DLG2: variants seen among roughly 807,000 people sequenced by gnomAD.
DLG2 encodes the protein disks large homolog 2.
Under a neutral mutation model 132.5 loss-of-function variants are expected in DLG2, and 45 were observed. That is an observed-to-expected ratio of 0.34 (90% confidence interval 0.27 to 0.44). The LOEUF is 0.44. DLG2 is among the 20% of genes least tolerant of loss of function. The pLI is 1.00. For synonymous variants in DLG2, 424 were observed against 419.6 expected, an observed-to-expected ratio of 1.01 and a Z score of -0.13; for missense variants, 1,045 against 1,196.9, an observed-to-expected ratio of 0.87 and a Z score of 1.87.
chr11:83,497,878 C>T (rs951521114), intron 21 of DLG2, among the ~76,000 whole-genome samples: 2 of 151,400 alleles, frequency 1.3e-5, no homozygotes, highest in East Asian at 3.9e-4. Flanking sequence ...CCCAATTAAC[C>T]TTTACTCCCT....
intron 2 of DLG2, among the ~76,000 whole-genome samples, chr11:85,608,496 A>G (rs962209495): frequency 6.6e-6 from 1 of 152,198 alleles, no homozygotes; most frequent in South Asian, 2.1e-4. Context: ...AGGAGAATAC[A>G]TAACTATGCA....
intron 11 of DLG2, among the ~76,000 whole-genome samples, chr11:84,002,311 A>G (rs2094391334): frequency 6.6e-6 from 1 of 152,122 alleles, no homozygotes; most frequent in Non-Finnish European, 1.5e-5. Flanking sequence ...GGTCTGGAGG[A>G]TGGGGGCCCT....
intron 7 of DLG2, among the ~76,000 whole-genome samples, chr11:84,429,465 A>G (rs536199918): frequency 6.2e-4 from 95 of 152,290 alleles, no homozygotes; most frequent in African/African-American, 2.1e-3. Context: ...TATACTTAAT[A>G]CAGCTGAGAG....
At chr11:85,000,723 A>G (rs570270964) in intron 6 of DLG2, among the ~76,000 whole-genome samples, 3 of 152,226 alleles carry the variant, frequency 2.0e-5, no homozygotes, top group Non-Finnish European at 2.9e-5. Context: ...TACGTATTTC[A>G]TCATTAACCA....
intron 19 of DLG2, among the ~76,000 whole-genome samples, chr11:83,613,648 G>C (rs896930540): frequency 1.3e-5 from 2 of 152,138 alleles, no homozygotes; most frequent in African/African-American, 4.8e-5. Flanking sequence ...TTAGGAACTG[G>C]CCTTCTCATT....
At chr11:84,666,300 TCTC>T (rs1369256635) in intron 6 of DLG2, among the ~76,000 whole-genome samples, 1 of 152,120 alleles carries the variant, frequency 6.6e-6, no homozygotes, top group Non-Finnish European at 1.5e-5. Flanking sequence ...AAAAGAGAAT[TCTC>T]CTATCTAATA....
chr11:84,048,469 T>G (rs867550206), intron 11 of DLG2, among the ~76,000 whole-genome samples: 1 of 151,696 alleles, frequency 6.6e-6, no homozygotes, highest in Non-Finnish European at 1.5e-5. Context: ...CAAATCATTG[T>G]TCCAGCATGG....
At chr11:85,130,507 A>G (rs530341735) in intron 5 of DLG2, among the ~76,000 whole-genome samples, 40 of 152,328 alleles carry the variant, frequency 2.6e-4, no homozygotes, top group South Asian at 2.5e-3. Context: ...TTTTCCTGCC[A>G]CTAAAAACTT....
At chr11:83,727,932 A>G (rs1489708215) in intron 18 of DLG2, among the ~76,000 whole-genome samples, 1 of 152,230 alleles carries the variant, frequency 6.6e-6, no homozygotes, top group Non-Finnish European at 1.5e-5. Context: ...AAGTCATACT[A>G]TAGATTGGAG....
intron 3 of DLG2, among the ~76,000 whole-genome samples, chr11:85,409,207 T>C (rs2089080454): frequency 6.6e-6 from 1 of 151,810 alleles, no homozygotes; most frequent in Non-Finnish European, 1.5e-5. Flanking sequence ...ATGAGACAAA[T>C]AGGGTACAGA....
chr11:84,182,837 A>G (rs2154281447), intron 8 of DLG2, among the ~76,000 whole-genome samples: 1 of 152,054 alleles, frequency 6.6e-6, no homozygotes, highest in East Asian at 1.9e-4. Context: ...AGTAAAATTG[A>G]TAAGCCTCTA....
At position 84,387,821 on chromosome 11, in the gene DLG2, C is replaced by T. The variant is rs534087985; in HGVS notation, c.520-136530G>A. ...GATTACCTGAAAGTAAATAAAGCTA[C>T]AAAAACAGTTCTTCAGATTTTTCTA... On this transcript the variant is annotated intron_variant, in intron 7 of 27. Transcript: ENST00000376104. Among the ~76,000 whole-genome samples the T allele has an allele frequency of 1.6e-4, 25 of 152,212 alleles. No individual in the cohort carries two copies. The South Asian group carries it at 3.5e-3, about 21-fold the overall frequency.
At chr11:84,895,157 G>C (rs2090015314) in intron 6 of DLG2, among the ~76,000 whole-genome samples, 1 of 152,132 alleles carries the variant, frequency 6.6e-6, no homozygotes, top group African/African-American at 2.4e-5. Context: ...TCATTTTAGA[G>C]AGGGTGTAAA....
chr11:84,317,241 T>A, intron 7 of DLG2: 1 of 1,511,718 alleles, frequency 6.6e-7, no homozygotes, highest in Non-Finnish European at 8.8e-7. Flanking sequence ...AAAGTCTTTT[T>A]TCCACCGTGG....
intron 18 of DLG2, chr11:83,721,087 G>T (rs1463722202): frequency 6.6e-6 from 1 of 152,066 alleles, no homozygotes; most frequent in Non-Finnish European, 1.5e-5. Context: ...TTGTTCAAAG[G>T]GAGATTTTTA....
Position 85,008,708 on chromosome 11 carries a change from C to T in DLG2, c.357+102953G>A, listed in dbSNP as rs556434170. 2.0e-5 allele frequency among the ~76,000 whole-genome samples: 3 copies of T among 152,014 alleles called. No individual in the cohort carries two copies. The South Asian group carries it at 6.2e-4, about 32-fold the overall frequency. On this transcript the variant is annotated intron_variant, in intron 6 of 27. Coordinates refer to ENST00000376104, the MANE Select transcript of DLG2 (RefSeq NM_001142699.3). ...ATATTTATTAAGTCTTACTATATGC[C>T]AGCACTTTTCAAAGTCTTGTAGACA...
intron 3 of DLG2, among the ~76,000 whole-genome samples, chr11:85,592,118 A>G (rs1480901051): frequency 6.6e-6 from 1 of 152,152 alleles, no homozygotes; most frequent in African/African-American, 2.4e-5. Flanking sequence ...GATGTTTTGT[A>G]TTGTTTTTCA....
At chr11:85,310,677 A>T (rs2080259451) in intron 3 of DLG2, among the ~76,000 whole-genome samples, 2 of 152,208 alleles carry the variant, frequency 1.3e-5, no homozygotes, top group Non-Finnish European at 2.9e-5. Flanking sequence ...TAGATGGGGA[A>T]CTGTAATTAG....
intron 3 of DLG2, among the ~76,000 whole-genome samples, chr11:85,361,938 G>C (rs1254136611): frequency 6.6e-6 from 1 of 152,136 alleles, no homozygotes; most frequent in Non-Finnish European, 1.5e-5. Context: ...CATGAGCATG[G>C]GATTTTTTTC....
Sources: allele counts gnomAD v4.1 joint callset (sites outside exome capture counted in the v4.1 genomes callset), GRCh38; gene constraint gnomAD v4.1.1; transcripts MANE v1.5; gene names NCBI Gene and HGNC (gene_info 2026-07-23, HGNC 2026-07-21).